STX4: variants seen among roughly 807,000 people sequenced by gnomAD.
STX4 encodes the protein syntaxin-4.
Under a neutral mutation model 41.8 loss-of-function variants are expected in STX4, and 24 were observed. The ratio of observed to expected loss-of-function variants is 0.57; its 90% CI spans 0.42 to 0.81. STX4 has a LOEUF of 0.81. Ranked by LOEUF, STX4 falls within the 30% of genes least tolerant of loss-of-function variation. The pLI is 0.00. For missense variants in STX4, 316 were observed against 389.9 expected (o/e 0.81, Z 1.60); for synonymous variants, 158 against 156.4 (o/e 1.01, Z -0.08).
rs922202117 is a variant in STX4 at position 31,040,036 on chromosome 16, T to G, written c.*140T>G. 3.4e-6 allele frequency: 2 copies of G among 583,448 alleles called. No individual in the cohort carries two copies. The highest frequency in any genetic ancestry group is 3.7e-5 in the African/African-American group (2 of 53,514). The allele number at this position is 583,448 out of a possible 1,614,324, so 36.1% of individuals were successfully genotyped here. On this transcript the variant is annotated 3_prime_UTR_variant, in exon 11 of 11. Transcript: ENST00000313843. Reference sequence around the variant, plus strand: ...TATGCAGAAGGGCAGACAGTTCTTCTGGGGTTGGCAGCTGCTCATTCATGA... The same window carrying G: ...TATGCAGAAGGGCAGACAGTTCTTCGGGGGTTGGCAGCTGCTCATTCATGA...
chr16:31,038,339 C>A, intron 7 of STX4, 149 bp downstream of exon 7: 1 of 1,323,980 alleles, frequency 7.6e-7, no homozygotes. Context: ...ACCCCGCTTG[C>A]TGTGGCCCTT....
chr16:31,038,486 G>A (rs761909282), intron 7 of STX4, 24 bp from the exon 8 acceptor site: 1 of 1,613,370 alleles, frequency 6.2e-7, no homozygotes, highest in Admixed American at 1.7e-5. Context: ...GTGAACAGTT[G>A]CCCCACTCCT....
chr16:31,033,582 G>A lies in STX4; in HGVS notation c.-224G>A. On this transcript the variant is annotated 5_prime_UTR_variant, in exon 1 of 11. Coordinates refer to ENST00000313843, the MANE Select transcript of STX4 (RefSeq NM_004604.5). The surrounding 1 kb of genome is among the most constrained non-coding windows in gnomAD (Gnocchi z 5.5). ...GGCTGAGGCTGCGGGAGCTGGAGCG[G>A]GGAAGAAAAGGGAATTCCAACCTGT... 2.0e-6 allele frequency: 3 copies of A among 1,529,428 alleles called. No individual in the cohort carries two copies. Among genetic ancestry groups the A allele is most frequent in the Non-Finnish European group, 2.6e-6 (3 of 1,136,342 alleles). The allele number at this position is 1,529,428 out of a possible 1,614,324, so 94.7% of individuals were successfully genotyped here. A position where few individuals can be genotyped will look rare whatever the true frequency, so the allele number is the denominator to read the frequency against.
intron 5 of STX4, among the ~76,000 whole-genome samples, chr16:31,037,722 T>C (rs1368898506): frequency 6.7e-6 from 1 of 148,488 alleles, no homozygotes; most frequent in Admixed American, 6.7e-5. Flanking sequence ...AAAAAGATCA[T>C]GGAGGACCAC....
chr16:31,033,157 G>C, upstream of STX4: 1 of 562,438 alleles, frequency 1.8e-6, no homozygotes, highest in African/African-American at 1.9e-5. The surrounding 1 kb of genome is among the most constrained non-coding windows in gnomAD (Gnocchi z 5.5). Context: ...CGCGGGGGCC[G>C]TGTGGGCGTC....
rs752457722 is a variant in STX4 at position 31,034,318 on chromosome 16, C to G, written c.225C>G (p.Pro75=). 1.2e-6 allele frequency: 2 copies of G among 1,614,138 alleles called. No individual in the cohort carries two copies. Among genetic ancestry groups the G allele is most frequent in the Admixed American group, 3.3e-5 (2 of 60,000 alleles). ...QQVTILATPL[P]EESMKQELQN... Reference sequence around the variant, plus strand: ...TCACCATCCTGGCCACGCCCCTTCCCGAGGAGAGTGAGTGAAACCCCGGCT... The same window carrying G: ...TCACCATCCTGGCCACGCCCCTTCCGGAGGAGAGTGAGTGAAACCCCGGCT... Residue 75 remains proline (P), a synonymous_variant, in exon 3 of 11, where the codon CCC becomes CCG. Transcript: ENST00000313843.
In STX4 at chr16:31,034,535, G is replaced by A. The variant is rs760654214; in HGVS notation, c.306G>A (p.Lys102=). The A allele has an allele frequency of 4.4e-6, 7 of 1,588,830 alleles. No individual in the cohort carries two copies. Among genetic ancestry groups the A allele is most frequent in the Non-Finnish European group, 6.0e-6 (7 of 1,166,290 alleles). The change falls in exon 4 of 11, where the codon AAG becomes AAA. Residue 102 remains lysine (K), a splice_region_variant and synonymous_variant. Transcript: ENST00000313843. ...QLGREIRLQL[K]AIEPQKEEAD... ...GGAGGGAGATCCGCCTGCAGCTGAA[G>A]GGTGAGCTCCTGGGACCTCAGACAG... is the stretch of plus-strand genomic sequence containing the variant.
chr16:31,035,227 T>G (rs924185248), intron 5 of STX4, among the ~76,000 whole-genome samples, 187 bp downstream of exon 5: 2 of 152,218 alleles, frequency 1.3e-5, no homozygotes, highest in African/African-American at 2.4e-5. Context: ...CTCCTGATGC[T>G]CAGTCCGGTT....
intron 5 of STX4, 61 bp from the exon 6 acceptor site, chr16:31,037,865 C>T (rs943625442): frequency 2.0e-5 from 31 of 1,577,348 alleles, no homozygotes; most frequent in Middle Eastern, 1.7e-4. Flanking sequence ...ATGGGGTTGC[C>T]GAGGCACCGA....
rs1160472107 is a variant in STX4, at chr16:31,037,940, C to T, written c.393C>T (p.Ser131=). ...RMRKTQHGVL[S]QQFVELINKC... is the part of the protein sequence containing the mutation. ...TTCATCTTTAGCATGGGGTCCTGTC[C>T]CAGCAATTCGTGGAGCTCATCAACA... Residue 131 remains serine, a synonymous_variant, in exon 6 of 11, where the codon TCC becomes TCT. Transcript: ENST00000313843. 8.7e-6 allele frequency: 14 copies of T among 1,614,058 alleles called. No homozygotes were observed. The highest frequency in any genetic ancestry group is 1.1e-5 in the Non-Finnish European group (13 of 1,179,994).
In STX4 at chr16:31,038,198, G is replaced by T. The variant is rs80160513; in HGVS notation, c.564+8G>T. 2.5e-6 allele frequency: 4 copies of T among 1,613,452 alleles called. No homozygotes were observed. The East Asian group carries it at 8.9e-5, about 36-fold the overall frequency. Reference sequence around the variant, plus strand: ...GAGGTGTTTGTGTCCAATGTGAGTGGCCACAGCCAGCCCCTCTCTGCTGTG... The same window carrying T: ...GAGGTGTTTGTGTCCAATGTGAGTGTCCACAGCCAGCCCCTCTCTGCTGTG... On this transcript the variant is annotated splice_region_variant and intron_variant, in intron 7 of 10. Transcript: ENST00000313843.
At chr16:31,034,891 A>C in intron 4 of STX4, 79 bp from the exon 5 acceptor site, 1 of 1,271,090 alleles carries the variant, frequency 7.9e-7, no homozygotes, top group Non-Finnish European at 1.1e-6. Context: ...GCTCAGCCTT[A>C]GTCATTTTAT....
intron 4 of STX4, 55 bp from the exon 5 acceptor site, chr16:31,034,915 T>C: frequency 7.2e-7 from 1 of 1,395,826 alleles, no homozygotes. Flanking sequence ...AAATTATATT[T>C]CCCTAAAAAT....
Position 31,039,862 on chromosome 16 carries a change from C to A in STX4, c.*15+44C>A. 2 of 1,578,892 alleles carry A rather than the reference C, an allele frequency of 1.3e-6. No individual in the cohort carries two copies. The highest frequency in any genetic ancestry group is 1.7e-5 in the Admixed American group (1 of 59,882). On this transcript the variant is annotated intron_variant, in intron 10 of 10. Transcript: ENST00000313843. This position sits in a 1 kb window ranked among gnomAD's most constrained non-coding sequence, Gnocchi z 4.1. ...CCCCCTGGCCTGCCCCAGCCCTGGC[C>A]CCAGCCCTCCCTCCTCCCTCAGACC...
intron 5 of STX4, among the ~76,000 whole-genome samples, chr16:31,036,088 ATATCT>A (rs1318670967): frequency 6.6e-6 from 1 of 151,868 alleles, no homozygotes; most frequent in Non-Finnish European, 1.5e-5. Context: ...CCCTGGGGTG[ATATCT>A]TAGTAAGGAG....
At chr16:31,036,894 G>A (rs984254027) in intron 5 of STX4, among the ~76,000 whole-genome samples, 1 of 152,020 alleles carries the variant, frequency 6.6e-6, no homozygotes, top group African/African-American at 2.4e-5. Flanking sequence ...GAAGGGAACA[G>A]TAAGAGGAAG....
upstream of STX4, chr16:31,033,306 G>A (rs574131060): frequency 5.5e-6 from 4 of 731,118 alleles, no homozygotes; most frequent in South Asian, 3.0e-5. This position sits in a 1 kb window ranked among gnomAD's most constrained non-coding sequence, Gnocchi z 5.5. Context: ...CACGTGACGC[G>A]GTGGGGGCAC....
intron 3 of STX4, 54 bp from the exon 4 acceptor site, chr16:31,034,408 T>G: frequency 6.2e-7 from 1 of 1,602,980 alleles, no homozygotes. Flanking sequence ...GTGGCCAGAG[T>G]GGTTTGTTGA....
At chr16:31,034,148 G>A (rs1486835635) in intron 2 of STX4, 34 bp downstream of exon 2, 2 of 1,608,246 alleles carry the variant, frequency 1.2e-6, no homozygotes, top group South Asian at 1.1e-5. Flanking sequence ...GGATTCGCGA[G>A]GGTGTAGGAG....
Sources: gnomAD v4.1 joint callset for allele counts (sites outside exome capture counted in the v4.1 genomes callset) on GRCh38, gnomAD v4.1.1 for gene constraint, Gnocchi (gnomAD v3.1) non-coding constraint, MANE v1.5 for transcripts, NCBI Gene and HGNC (gene_info 2026-07-23, HGNC 2026-07-21) for gene names.